HCLS1: variants seen among roughly 807,000 people sequenced by gnomAD.
HCLS1 encodes hematopoietic cell-specific Lyn substrate 1.
Under a neutral mutation model 68.6 loss-of-function variants are expected in HCLS1, and 44 were observed. The observed-to-expected ratio is 0.64, with a 90% CI of 0.50 to 0.82. The LOEUF (loss-of-function observed/expected upper bound fraction) is 0.82. Ranked by LOEUF, HCLS1 falls within the 40% of genes least tolerant of loss-of-function variation. HCLS1 has a pLI of 0.00. For synonymous variants in HCLS1, 217 were observed against 225.8 expected, an observed-to-expected ratio of 0.96 and a Z score of 0.35; for missense variants, 602 against 612.1, an observed-to-expected ratio of 0.98 and a Z score of 0.17.
intron 3 of HCLS1, among the ~76,000 whole-genome samples, chr3:121,650,294 C>G (rs1937717060): frequency 6.6e-6 from 1 of 152,036 alleles, no homozygotes; most frequent in African/African-American, 2.4e-5. Context: ...TCTGAACAGG[C>G]ATTCTTGTAG....
At chr3:121,636,384 T>G (rs757033672) in intron 8 of HCLS1, 50 bp downstream of exon 8, 1 of 1,461,618 alleles carries the variant, frequency 6.8e-7, no homozygotes, top group Non-Finnish European at 9.6e-7. Context: ...CTGCACACTT[T>G]CCTAAACTTA....
chr3:121,644,957 A>G, intron 4 of HCLS1, 29 bp from the exon 5 acceptor site: 1 of 1,513,702 alleles, frequency 6.6e-7, no homozygotes, highest in African/African-American at 1.4e-5. Context: ...GGAGTGAGTG[A>G]AAAGATAAAA....
chr3:121,650,220 A>T (rs1165714084), intron 3 of HCLS1, among the ~76,000 whole-genome samples: 1 of 152,224 alleles, frequency 6.6e-6, no homozygotes, highest in Non-Finnish European at 1.5e-5. Flanking sequence ...TGGAAAACTC[A>T]ATATCATTAA....
Position 121,634,200 on chromosome 3 carries a change from C to T in HCLS1, c.903+7G>A, listed in dbSNP as rs755531827. On this transcript the variant is annotated splice_region_variant and intron_variant, in intron 10 of 13. Coordinates refer to ENST00000314583, the MANE Select transcript of HCLS1 (RefSeq NM_005335.6). ...TGGATGTGGATCCCAGAGGGCCAGG[C>T]GCTCACCTCTGAGGAGATTTTCTTG... The T allele has an allele frequency of 1.2e-5, 20 of 1,613,892 alleles. No individual in the cohort carries two copies. In the East Asian group the frequency reaches 1.3e-4, roughly 11 times the overall value.
At chr3:121,646,426 A>G (rs1436762098) in intron 4 of HCLS1, among the ~76,000 whole-genome samples, 6 of 101,382 alleles carry the variant, frequency 5.9e-5, no homozygotes, top group Non-Finnish European at 1.0e-4. Flanking sequence ...AATATGTAAT[A>G]TAATGTATTA....
rs267599567 is a variant in HCLS1 at position 121,632,423 on chromosome 3, C to T, written c.1149G>A (p.Glu383=). ...EPENDYEDVE[E]MDRHEQEDEP... ...CATCCTCCTGCTCATGCCTGTCCAT[C>T]TCCTCAACGTCCTCATAGTCATTCT... Residue 383 remains glutamate, a synonymous_variant, in exon 12 of 14, where the codon GAG becomes GAA. Transcript: ENST00000314583. 21 of 1,614,030 alleles carry T rather than the reference C, an allele frequency of 1.3e-5. No homozygotes were observed. The Admixed American group carries it at 3.5e-4, about 27-fold the overall frequency.
intron 6 of HCLS1, among the ~76,000 whole-genome samples, chr3:121,642,303 C>CAAAA (rs34223359): frequency 1.4e-4 from 18 of 127,442 alleles, no homozygotes; most frequent in Admixed American, 3.3e-4. Flanking sequence ...ACTAAAAATA[C>CAAAA]AAAAAAAAAA....
chr3:121,642,817 C>T (rs2049213098), intron 6 of HCLS1, 110 bp downstream of exon 6: 4 of 843,992 alleles, frequency 4.7e-6, no homozygotes, highest in South Asian at 1.3e-5. Context: ...AATAGTGGTG[C>T]GCTGGGTCAT....
chr3:121,649,927 T>C (rs181548166), intron 3 of HCLS1, among the ~76,000 whole-genome samples: 94 of 152,324 alleles, frequency 6.2e-4, no homozygotes, highest in Non-Finnish European at 1.1e-3. Flanking sequence ...GACCTGATCA[T>C]GTATGTAGAA....
intron 6 of HCLS1, among the ~76,000 whole-genome samples, chr3:121,639,157 A>G (rs1218969840): frequency 6.6e-6 from 1 of 152,214 alleles, no homozygotes; most frequent in South Asian, 2.1e-4. Flanking sequence ...TAGGTATTTT[A>G]GGCAAAAACG....
intron 6 of HCLS1, among the ~76,000 whole-genome samples, chr3:121,641,094 G>A (rs1230338973): frequency 6.6e-6 from 1 of 152,130 alleles, no homozygotes; most frequent in Non-Finnish European, 1.5e-5. Flanking sequence ...AGTCACATCT[G>A]AGGTTGAAAA....
At chr3:121,636,614 G>A in intron 7 of HCLS1, 125 bp from the exon 8 acceptor site, 1 of 753,668 alleles carries the variant, frequency 1.3e-6, no homozygotes, top group South Asian at 1.6e-5. Flanking sequence ...AGAATCAGAG[G>A]ATAGAGGGAG....
chr3:121,638,044 C>T (rs542488801), intron 6 of HCLS1, among the ~76,000 whole-genome samples: 2 of 152,158 alleles, frequency 1.3e-5, no homozygotes, highest in South Asian at 4.2e-4. Flanking sequence ...TAATTATGAA[C>T]TGACACCACA....
At chr3:121,639,024 C>T (rs113581023) in intron 6 of HCLS1, among the ~76,000 whole-genome samples, 2 of 51,904 alleles carry the variant, frequency 3.9e-5, no homozygotes, top group East Asian at 9.7e-4. Flanking sequence ...CACACACACA[C>T]GCACACACAC....
rs1342584894 is a variant in HCLS1 at position 121,660,828 on chromosome 3, G to T, written c.-9C>A. 1 of 152,436 alleles carries T rather than the reference G, an allele frequency of 6.6e-6. No homozygotes were observed. Among genetic ancestry groups the T allele is most frequent in the African/African-American group, 2.4e-5 (1 of 41,414 alleles). The allele number at this position is 152,436 out of a possible 1,614,324, so 9.4% of individuals were successfully genotyped here. ...TGGCTCAGAGTACCCACCTCCACCT[G>T]TGCAAGCCTCTGTTCTAAGCGCCCG... On this transcript the variant is annotated 5_prime_UTR_variant, in exon 1 of 14. Transcript: ENST00000314583.
chr3:121,641,006 A>G (rs77244471), intron 6 of HCLS1, among the ~76,000 whole-genome samples: 54 of 152,312 alleles, frequency 3.5e-4, no homozygotes, highest in Admixed American at 1.2e-3. Context: ...ATAACCCAGA[A>G]TGCGGCACAA....
chr3:121,637,141 C>T lies in HCLS1; in HGVS notation c.565+5G>A, dbSNP rs1397674362. 1.3e-6 allele frequency: 2 copies of T among 1,598,882 alleles called. No homozygotes were observed. The highest frequency in any genetic ancestry group is 1.3e-5 in the African/African-American group (1 of 74,602). On this transcript the variant is annotated splice_donor_5th_base_variant and intron_variant, in intron 7 of 13. Coordinates refer to ENST00000314583, the MANE Select transcript of HCLS1 (RefSeq NM_005335.6). ...GTGACCTTCCCCCTTCCAACCCCAA[C>T]TCACCTCTCTGGGACTCGTGTTTCT... is the stretch of plus-strand genomic sequence containing the variant.
At chr3:121,655,143 C>T (rs1470702331) in intron 3 of HCLS1, among the ~76,000 whole-genome samples, 1 of 152,126 alleles carries the variant, frequency 6.6e-6, no homozygotes, top group Admixed American at 6.6e-5. Context: ...AGGAAATGTG[C>T]AGGGTCACCA....
chr3:121,642,495 G>A (rs1443554849), intron 6 of HCLS1, among the ~76,000 whole-genome samples: 1 of 150,724 alleles, frequency 6.6e-6, no homozygotes, highest in Non-Finnish European at 1.5e-5. Context: ...ATGTAAAATA[G>A]CGGTGGGTGT....
Sources: gnomAD v4.1 joint callset for allele counts (sites outside exome capture counted in the v4.1 genomes callset) on GRCh38, gnomAD v4.1.1 for gene constraint, MANE v1.5 for transcripts, NCBI Gene and HGNC (gene_info 2026-07-23, HGNC 2026-07-21) for gene names.